The following ABCB4 variants were observed in gnomAD, a reference collection of about 807,000 sequenced individuals.
The protein encoded by ABCB4 is ATP binding cassette subfamily B member 4.
Under a neutral mutation model 145.7 loss-of-function variants are expected in ABCB4, and 76 were observed. The observed-to-expected ratio is 0.52, with a 90% CI of 0.43 to 0.63. The LOEUF is 0.63. Among genes scored for constraint, ABCB4 ranks in the 30% least tolerant of loss-of-function variants. The pLI, the probability that ABCB4 is intolerant of heterozygous loss-of-function variation, is 0.00. For synonymous variants in ABCB4, 517 were observed against 566.8 expected (o/e 0.91, Z 1.25); for missense variants, 1,234 against 1,553.1 (o/e 0.79, Z 3.45).
chr7:87,411,743 T>C (rs1808638126), intron 23 of ABCB4, 150 bp downstream of exon 23: 1 of 690,134 alleles, frequency 1.4e-6, no homozygotes, highest in Non-Finnish European at 2.5e-6. Context: ...AGATCAGATC[T>C]CTGTGCCTGC....
chr7:87,383,911 T>A, the ABCB4 span, among the ~76,000 whole-genome samples: 1 of 152,162 alleles, frequency 6.6e-6, no homozygotes, highest in Non-Finnish European at 1.5e-5. Flanking sequence ...ATATATTGAT[T>A]TCCTTTCTCT....
chr7:87,421,089 C>A lies in ABCB4; in HGVS notation c.2317-1014G>T, dbSNP rs1354300415. Among the ~76,000 whole-genome samples, 4 of 152,162 alleles carry A rather than the reference C, an allele frequency of 2.6e-5. No homozygotes were observed. In the East Asian group the frequency reaches 5.8e-4, roughly 22 times the overall value. ...TCTTCCTTCCCCAGCCTCTTTGGGACAATTTCCTACTTTCTAATTACCACA... is the reference window on the plus strand; with the variant it reads ...TCTTCCTTCCCCAGCCTCTTTGGGAAAATTTCCTACTTTCTAATTACCACA... On this transcript the variant is annotated intron_variant, in intron 18 of 27. Coordinates refer to ENST00000649586, the MANE Select transcript of ABCB4 (RefSeq NM_000443.4).
chr7:87,418,585 A>G lies in ABCB4; in HGVS notation c.2430T>C (p.Thr810=), dbSNP rs1420285379. The G allele has an allele frequency of 6.2e-7, 1 of 1,614,082 alleles. No individual in the cohort carries two copies. Among genetic ancestry groups the G allele is most frequent in the Admixed American group, 1.7e-5 (1 of 60,010 alleles). ...MSWFDDHKNS[T]GALSTRLATD... ...TGGCAAGTCTTGTAGAAAGTGCACC[A>G]GTACTGTTTTTATGGTCATCAAACC... Residue 810 remains threonine, a synonymous_variant, in exon 20 of 28, where the codon ACT becomes ACC. Transcript: ENST00000649586.
intron 3 of ABCB4, among the ~76,000 whole-genome samples, chr7:87,465,656 G>A (rs1423080680): frequency 1.3e-5 from 2 of 152,198 alleles, no homozygotes; most frequent in African/African-American, 4.8e-5. Context: ...CACCCAGTAG[G>A]GGCAGACTGA....
chr7:87,466,120 G>A (rs945055366), intron 3 of ABCB4, among the ~76,000 whole-genome samples: 7 of 152,068 alleles, frequency 4.6e-5, no homozygotes, highest in African/African-American at 9.7e-5. Flanking sequence ...ACGGAAGTTC[G>A]AACCCATGGC....
At position 87,452,982 on chromosome 7, in the gene ABCB4, G is replaced by A. The variant is rs1811853562; in HGVS notation, c.498C>T (p.Asp166=). 1.9e-6 allele frequency: 3 copies of A among 1,613,962 alleles called. No homozygotes were observed. Among genetic ancestry groups the A allele is most frequent in the Non-Finnish European group, 1.7e-6 (2 of 1,180,016 alleles). Reference sequence around the variant, plus strand: ...TATTGAGTTCAGTGGTGTCGTTGATGTCAAACCATCCTATTTCCTGTCGTA... The same window carrying A: ...TATTGAGTTCAGTGGTGTCGTTGATATCAAACCATCCTATTTCCTGTCGTA... ...AILRQEIGWF[D]INDTTELNTR... Residue 166 remains aspartate (D), a synonymous_variant, in exon 6 of 28, where the codon GAC becomes GAT. Coordinates refer to ENST00000649586, the MANE Select transcript of ABCB4 (RefSeq NM_000443.4).
intron 25 of ABCB4, among the ~76,000 whole-genome samples, chr7:87,407,087 G>GTTTTGT (rs1381370208): frequency 6.6e-6 from 1 of 152,174 alleles, no homozygotes; most frequent in Admixed American, 6.5e-5. Context: ...GGCAGTGATG[G>GTTTTGT]TTTTGTTTTT....
chr7:87,461,896 A>C (rs1436572129), intron 4 of ABCB4, among the ~76,000 whole-genome samples: 1 of 152,202 alleles, frequency 6.6e-6, no homozygotes, highest in Non-Finnish European at 1.5e-5. Context: ...TAAATGATAG[A>C]GTAATTTTTC....
Position 87,447,515 on chromosome 7 carries a change from C to G in ABCB4, c.834-310G>C, listed in dbSNP as rs1149221. Among the ~76,000 whole-genome samples, 231 of 152,306 alleles carry G rather than the reference C, an allele frequency of 1.5e-3. 5 individuals carry two copies. The East Asian group carries it at 0.041, about 27-fold the overall frequency. On this transcript the variant is annotated intron_variant, in intron 8 of 27. Transcript: ENST00000649586. Reference sequence around the variant, plus strand: ...TGGAAGAGCTTCTCCATCACCTTCACGGCAATATCACAAGTCAGGGTTAAG... The same window carrying G: ...TGGAAGAGCTTCTCCATCACCTTCAGGGCAATATCACAAGTCAGGGTTAAG...
At position 87,420,067 on chromosome 7, in the gene ABCB4, C is replaced by G. The variant is rs8187802; in HGVS notation, c.2325G>C (p.Thr775=). Residue 775 remains threonine, a synonymous_variant, in exon 19 of 28, where the codon ACG becomes ACC. Coordinates refer to ENST00000649586, the MANE Select transcript of ABCB4 (RefSeq NM_000443.4). ...SFFTFFLQGF[T]FGKAGEILTR... ...TGAGGATCTCGCCAGCTTTCCCAAACGTGAAACCCTGGTTGAGAAAAAAGG... is the reference window on the plus strand; with the variant it reads ...TGAGGATCTCGCCAGCTTTCCCAAAGGTGAAACCCTGGTTGAGAAAAAAGG... 3,270 of 1,613,956 alleles carry G rather than the reference C, an allele frequency of 2.0e-3. 53 individuals carry two copies. The African/African-American group carries it at 0.036, about 18-fold the overall frequency.
intron 15 of ABCB4, among the ~76,000 whole-genome samples, chr7:87,430,011 A>G (rs1810099610): frequency 6.6e-6 from 1 of 152,130 alleles, no homozygotes; most frequent in Non-Finnish European, 1.5e-5. Flanking sequence ...TTAGTACACA[A>G]GTATTCAGAT....
chr7:87,398,918 C>G, downstream of ABCB4: 1 of 319,438 alleles, frequency 3.1e-6, no homozygotes, highest in Non-Finnish European at 5.7e-6. Context: ...CTCAACAATC[C>G]AAATCTACAA....
intron 7 of ABCB4, among the ~76,000 whole-genome samples, chr7:87,450,683 G>A (rs1175894935): frequency 2.0e-5 from 3 of 151,996 alleles, no homozygotes; most frequent in Non-Finnish European, 4.4e-5. Context: ...TGTTAGCCAG[G>A]ATGGTCTCAA....
chr7:87,443,783 A>G lies in ABCB4; in HGVS notation c.1120-10T>C, dbSNP rs1811155753. On this transcript the variant is annotated splice_polypyrimidine_tract_variant and intron_variant, in intron 10 of 27. Transcript: ENST00000649586. ...TGTCAATTTTAGGATTCTAAATAAA[A>G]CAAAATGTAATGACTATTCCATCAT... 1.3e-6 allele frequency: 2 copies of G among 1,592,964 alleles called. No homozygotes were observed. Among genetic ancestry groups the G allele is most frequent in the Non-Finnish European group, 1.7e-6 (2 of 1,161,044 alleles).
chr7:87,425,402 G>A (rs561268450), intron 16 of ABCB4, among the ~76,000 whole-genome samples: 41 of 152,188 alleles, frequency 2.7e-4, no homozygotes, highest in African/African-American at 8.7e-4. Flanking sequence ...TAATAATGAC[G>A]CTCCAAAATG....
intron 8 of ABCB4, among the ~76,000 whole-genome samples, chr7:87,447,662 A>G (rs981370304): frequency 8.5e-5 from 13 of 152,120 alleles, no homozygotes; most frequent in African/African-American, 3.1e-4. Context: ...TCGTCCCTCT[A>G]TTGTCCACTG....
chr7:87,433,675 GT>G (rs1000391993), intron 14 of ABCB4, among the ~76,000 whole-genome samples: 221 of 100,362 alleles, frequency 2.2e-3, no homozygotes, highest in South Asian at 1.6e-3. Context: ...AATTGTTGTT[GT>G]TTTTTTTTTT....
chr7:87,446,931 A>C, intron 9 of ABCB4, 103 bp downstream of exon 9: 63 of 1,036,530 alleles, frequency 6.1e-5, no homozygotes, highest in Middle Eastern at 2.9e-4. Context: ...AAAAACCTAT[A>C]ATCATGTTCA....
chr7:87,366,087 T>C, the ABCB4 span, among the ~76,000 whole-genome samples: 2 of 152,196 alleles, frequency 1.3e-5, no homozygotes, highest in Non-Finnish European at 2.9e-5. Context: ...ATTGCTCTGA[T>C]CTACCCTCAC....
Sources: gnomAD v4.1 joint callset for allele counts (sites outside exome capture counted in the v4.1 genomes callset) on GRCh38, gnomAD v4.1.1 for gene constraint, MANE v1.5 for transcripts, NCBI Gene and HGNC (gene_info 2026-07-23, HGNC 2026-07-21) for gene names.